Variants in DMD observed in about 807,000 individuals in gnomAD.
The protein encoded by DMD is mutant dystrophin.
Under a neutral mutation model 330.1 loss-of-function variants are expected in DMD, and 63 were observed. That is an observed-to-expected ratio of 0.19 (90% confidence interval 0.16 to 0.24). The LOEUF (loss-of-function observed/expected upper bound fraction) is 0.24, where lower values mean the gene tolerates loss of function less well. Ranked by LOEUF, DMD falls within the 10% of genes least tolerant of loss-of-function variation. DMD has a pLI of 1.00. For missense variants in DMD, 3,344 were observed against 2,684.1 expected, an observed-to-expected ratio of 1.25 and a Z score of -5.43; for synonymous variants, 1,223 against 959.8, an observed-to-expected ratio of 1.27 and a Z score of -5.07.
chrX:31,129,471 A>C (rs1197725619), intron 77 of DMD, among the ~76,000 whole-genome samples: 1 of 112,067 alleles, frequency 8.9e-6, no homozygotes, highest in Non-Finnish European at 1.9e-5. Flanking sequence ...ATGGACAACG[A>C]AATAATAGCG....
At chrX:31,546,532 C>A (rs1191687112) in intron 55 of DMD, among the ~76,000 whole-genome samples, 1 of 112,390 alleles carries the variant, frequency 8.9e-6, no homozygotes, top group Non-Finnish European at 1.9e-5. Flanking sequence ...AGGTGCTGAC[C>A]GATGCTCTCC....
At chrX:32,918,444 G>T (rs767657310) in intron 2 of DMD, among the ~76,000 whole-genome samples, 2 of 110,765 alleles carry the variant, frequency 1.8e-5, no homozygotes, top group Non-Finnish European at 3.8e-5. Context: ...TCTGCCTCCC[G>T]CCTCAAGTGA....
chrX:32,724,596 C>G (rs934198221), intron 7 of DMD, among the ~76,000 whole-genome samples: 4 of 111,481 alleles, frequency 3.6e-5, no homozygotes. Context: ...ATAAAATGAA[C>G]AGTGATCCAA....
intron 44 of DMD, among the ~76,000 whole-genome samples, chrX:32,017,299 A>T (rs139998828): frequency 8.9e-6 from 1 of 112,318 alleles, no homozygotes; most frequent in East Asian, 2.8e-4. Context: ...GCCTTCAAAA[A>T]GGGGCCAAGG....
chrX:32,105,248 G>C (rs1169449685), intron 44 of DMD, among the ~76,000 whole-genome samples: 3 of 111,542 alleles, frequency 2.7e-5, no homozygotes, highest in Non-Finnish European at 5.6e-5. Context: ...AACATTAAGA[G>C]AACATATGCA....
chrX:32,145,517 A>G (rs1244482635), intron 44 of DMD, among the ~76,000 whole-genome samples: 3 of 112,392 alleles, frequency 2.7e-5, no homozygotes, highest in Non-Finnish European at 5.6e-5. Flanking sequence ...GCTCTGTTGC[A>G]CTGTGAGAGA....
At chrX:32,557,163 G>C (rs1022305769) in intron 16 of DMD, among the ~76,000 whole-genome samples, 2 of 111,398 alleles carry the variant, frequency 1.8e-5, no homozygotes, top group Non-Finnish European at 3.8e-5. Context: ...TGTTGAGGCA[G>C]ATAAAACTTT....
chrX:31,399,430 A>G (rs1157438948), intron 60 of DMD, among the ~76,000 whole-genome samples: 1 of 58,913 alleles, frequency 1.7e-5, no homozygotes, highest in Non-Finnish European at 3.0e-5. Flanking sequence ...TTTTATAGGC[A>G]CAGGTTGGGG....
intron 2 of DMD, among the ~76,000 whole-genome samples, chrX:32,929,215 G>A (rs1427444240): frequency 9.0e-6 from 1 of 110,884 alleles, no homozygotes; most frequent in African/African-American, 3.3e-5. Context: ...ACGTTCTGTA[G>A]GTGTAATTAT....
chrX:32,609,666 C>A (rs2057009784), intron 12 of DMD, among the ~76,000 whole-genome samples: 1 of 111,378 alleles, frequency 9.0e-6, no homozygotes, highest in Admixed American at 9.6e-5. Context: ...ACAATCTTGG[C>A]AACCCAAATG....
chrX:32,236,560 C>A (rs2097188645), intron 43 of DMD, among the ~76,000 whole-genome samples: 1 of 111,381 alleles, frequency 9.0e-6, no homozygotes, highest in Non-Finnish European at 1.9e-5. Flanking sequence ...GGGGGCAGGT[C>A]CTTCCCATGC....
intron 74 of DMD, among the ~76,000 whole-genome samples, chrX:31,148,238 T>G (rs1399518409): frequency 8.9e-6 from 1 of 112,195 alleles, no homozygotes; most frequent in Non-Finnish European, 1.9e-5. Context: ...AAACACCCAT[T>G]TTATGTGATT....
rs758317261 is a variant in DMD, at chrX:32,441,210, G to T, written c.3891C>A (p.Gly1297=). ...FKLKTTENIP[G]GAEEISEVLD... Reference sequence around the variant, plus strand: ...GCACCTCAGAGATTTCCTCAGCTCCGCCAGGAATGTTTTCAGTGGTTTTAA... The same window carrying T: ...GCACCTCAGAGATTTCCTCAGCTCCTCCAGGAATGTTTTCAGTGGTTTTAA... Residue 1297 remains glycine, a synonymous_variant, in exon 28 of 79, where the codon GGC becomes GGA. Transcript: ENST00000357033. 8.3e-6 allele frequency: 10 copies of T among 1,208,361 alleles called. No individual in the cohort carries two copies. The highest frequency in any genetic ancestry group is 7.8e-6 in the Non-Finnish European group (7 of 893,214).
intron 74 of DMD, among the ~76,000 whole-genome samples, chrX:31,150,884 A>G (rs1404249106): frequency 8.9e-6 from 1 of 111,960 alleles, no homozygotes; most frequent in Non-Finnish European, 1.9e-5. Context: ...CTAGTACCTA[A>G]CATTACAAGG....
chrX:32,516,294 G>C (rs1304763687), intron 18 of DMD, among the ~76,000 whole-genome samples: 1 of 111,518 alleles, frequency 9.0e-6, no homozygotes, highest in Non-Finnish European at 1.9e-5. Context: ...AAACATCAAG[G>C]TAAATCATTT....
chrX:31,478,459 G>A lies in DMD; in HGVS notation c.8669-85C>T, dbSNP rs72466568. 6.4e-3 allele frequency: 7,324 copies of A among 1,152,838 alleles called. 164 individuals carry two copies. The African/African-American group carries it at 0.072, about 11-fold the overall frequency. On this transcript the variant is annotated intron_variant, in intron 58 of 78. Coordinates refer to ENST00000357033, the MANE Select transcript of DMD (RefSeq NM_004006.3). ...AAGGTCATACTGGAAGAAAGAAAGA[G>A]TACAGTTGAACAAGAGGGTAACCTA...
chrX:31,728,861 A>C, intron 52 of DMD, among the ~76,000 whole-genome samples: 1 of 111,555 alleles, frequency 9.0e-6, no homozygotes, highest in East Asian at 2.8e-4. Flanking sequence ...AGGTAGAGAG[A>C]AGTGAAGAAA....
intron 53 of DMD, among the ~76,000 whole-genome samples, chrX:31,676,128 G>C (rs1339528521): frequency 2.7e-5 from 3 of 112,326 alleles, no homozygotes; most frequent in Non-Finnish European, 5.6e-5. Flanking sequence ...CAAGGCTGTA[G>C]ACATAGCTTT....
intron 29 of DMD, among the ~76,000 whole-genome samples, chrX:32,429,641 A>G (rs905299588): frequency 9.2e-6 from 1 of 108,126 alleles, no homozygotes; most frequent in Non-Finnish European, 1.9e-5. Flanking sequence ...GTACTGATTG[A>G]GAACTGTTCC....
Sources: allele counts gnomAD v4.1 joint callset (sites outside exome capture counted in the v4.1 genomes callset), GRCh38; gene constraint gnomAD v4.1.1; transcripts MANE v1.5; gene names NCBI Gene and HGNC (gene_info 2026-07-23, HGNC 2026-07-21).